CTNNA1: variants seen among roughly 807,000 people sequenced by gnomAD.
CTNNA1 encodes catenin alpha-1.
A neutral mutation model predicts 98.4 loss-of-function variants in CTNNA1; 37 were observed. That is an observed-to-expected ratio of 0.38 (90% CI 0.29 to 0.49). CTNNA1 has a LOEUF of 0.49. Among genes scored for constraint, CTNNA1 ranks in the 20% least tolerant of loss-of-function variants. The pLI is 0.95. For synonymous variants in CTNNA1, 404 were observed against 413.2 expected, an observed-to-expected ratio of 0.98 and a Z score of 0.27; for missense variants, 761 against 1,147.2, an observed-to-expected ratio of 0.66 and a Z score of 4.86.
intron 8 of CTNNA1, among the ~76,000 whole-genome samples, chr5:138,886,905 A>G (rs288026): frequency 0.26 from 39,202 of 152,022 alleles, 5,329 homozygotes; most frequent in Middle Eastern, 0.32. Flanking sequence ...TGTAATACAG[A>G]CAATTTTTAA....
chr5:138,876,144 T>TA, intron 7 of CTNNA1, among the ~76,000 whole-genome samples: 1 of 152,316 alleles, frequency 6.6e-6, no homozygotes, highest in East Asian at 1.9e-4. Context: ...GGACAAGTGA[T>TA]ACCGTGTAGC....
At chr5:138,891,540 C>G (rs1755351036) in intron 9 of CTNNA1, among the ~76,000 whole-genome samples, 1 of 152,136 alleles carries the variant, frequency 6.6e-6, no homozygotes, top group East Asian at 1.9e-4. Flanking sequence ...GTGGGCAGAT[C>G]ACTTGAGGTC....
intron 3 of CTNNA1, among the ~76,000 whole-genome samples, chr5:138,785,119 T>C (rs1755532114): frequency 2.0e-5 from 3 of 149,442 alleles, no homozygotes; most frequent in African/African-American, 7.4e-5. Context: ...TGGAGTGCAG[T>C]GGCGGGATCT....
intron 6 of CTNNA1, among the ~76,000 whole-genome samples, chr5:138,825,608 G>A (rs2149780613): frequency 6.7e-6 from 1 of 149,360 alleles, no homozygotes; most frequent in African/African-American, 2.4e-5. Flanking sequence ...GGGATGCTAT[G>A]AAATATAGAA....
intron 9 of CTNNA1, among the ~76,000 whole-genome samples, chr5:138,893,741 A>T (rs992571444): frequency 6.6e-6 from 1 of 151,750 alleles, no homozygotes; most frequent in Non-Finnish European, 1.5e-5. Context: ...CTCCTGCCTC[A>T]GCCTCCTGAT....
intron 11 of CTNNA1, among the ~76,000 whole-genome samples, chr5:138,920,815 C>A (rs1762773563): frequency 6.6e-6 from 1 of 152,166 alleles, no homozygotes; most frequent in South Asian, 2.1e-4. Flanking sequence ...TCTGGATATT[C>A]TGCCCCATTG....
intron 4 of CTNNA1, 130 bp from the exon 5 acceptor site, chr5:138,812,053 C>T: frequency 1.4e-6 from 1 of 732,682 alleles, no homozygotes; most frequent in East Asian, 2.6e-5. Flanking sequence ...AGACCATGCG[C>T]AAACTCGAGA....
At chr5:138,764,787 G>C (rs889354880) in intron 1 of CTNNA1, among the ~76,000 whole-genome samples, 2 of 151,660 alleles carry the variant, frequency 1.3e-5, no homozygotes, top group Admixed American at 1.3e-4. Flanking sequence ...CATTTATTTC[G>C]GGTCTTTAAG....
chr5:138,821,953 C>T (rs1324589502), intron 5 of CTNNA1, among the ~76,000 whole-genome samples: 2 of 151,952 alleles, frequency 1.3e-5, no homozygotes, highest in Admixed American at 6.6e-5. Flanking sequence ...TGATAGTGTC[C>T]GTTTTCTTTA....
rs1458647108 is a variant in CTNNA1, at chr5:138,824,599, A to G, written c.658A>G (p.Ile220Val). Residue 220 changes from isoleucine to valine, a missense_variant, in exon 6 of 18, where the codon ATC becomes GTC. Physicochemically the swap from Ile to Val is conservative, Grantham distance 29. This residue lies in a region of CTNNA1 where 328 missense variants were observed against 354.3 expected (regional missense o/e 0.93). Coordinates refer to ENST00000302763, the MANE Select transcript of CTNNA1 (RefSeq NM_001903.5). ...AGGAATCCTGCAGAAGAACGTTCCG[A>G]TCCTCTATACTGCATCCCAGGCATG... ...ARGILQKNVP[I>V]LYTASQACLQ... 3 of 1,614,060 alleles carry G rather than the reference A, an allele frequency of 1.9e-6. No homozygotes were observed. Among genetic ancestry groups the G allele is most frequent in the African/African-American group, 1.3e-5 (1 of 74,916 alleles).
At chr5:138,841,309 G>A (rs1347151510) in intron 7 of CTNNA1, among the ~76,000 whole-genome samples, 1 of 152,126 alleles carries the variant, frequency 6.6e-6, no homozygotes, top group African/African-American at 2.4e-5. Flanking sequence ...ACCTGGGCTG[G>A]AGTGCAATGG....
chr5:138,793,055 A>G (rs1051777849), intron 3 of CTNNA1, among the ~76,000 whole-genome samples: 1 of 152,072 alleles, frequency 6.6e-6, no homozygotes, highest in Non-Finnish European at 1.5e-5. Flanking sequence ...AAGTGCTCCC[A>G]CTCCAATTCA....
At chr5:138,896,172 A>G (rs1484462860) in intron 9 of CTNNA1, among the ~76,000 whole-genome samples, 3 of 152,206 alleles carry the variant, frequency 2.0e-5, no homozygotes, top group Non-Finnish European at 4.4e-5. Context: ...AAATTCCTCT[A>G]GTCCCCCTGT....
chr5:138,794,012 A>AT (rs10717660), intron 3 of CTNNA1, among the ~76,000 whole-genome samples: 1,235 of 112,222 alleles, frequency 0.011, 14 homozygotes, highest in Middle Eastern at 0.034. Flanking sequence ...TCCTGGGTTG[A>AT]TTTTTTTTTT....
chr5:138,861,134 C>T (rs905948887), intron 7 of CTNNA1, among the ~76,000 whole-genome samples: 1 of 152,010 alleles, frequency 6.6e-6, no homozygotes. Context: ...GATTCTTCTG[C>T]CTCAGCCTCC....
At position 138,931,981 on chromosome 5, in the gene CTNNA1, C is replaced by T. The variant is rs898366718; in HGVS notation, c.2299-597C>T. The T allele has an allele frequency of 1.3e-5, 13 of 985,294 alleles. No individual in the cohort carries two copies. In the African/African-American group the frequency reaches 2.1e-4, roughly 16 times the overall value. 61.0% of individuals were successfully genotyped at this position (985,294 alleles called of 1,614,324 possible). On this transcript the variant is annotated intron_variant, in intron 16 of 17. Coordinates refer to ENST00000302763, the MANE Select transcript of CTNNA1 (RefSeq NM_001903.5). ...GCCTCTAAAACTCTGAGATGTGGAG[C>T]GAGACAGGAACTGGGCAGGGGCCAC...
chr5:138,855,099 C>A (rs182256579), intron 7 of CTNNA1, among the ~76,000 whole-genome samples: 92 of 152,300 alleles, frequency 6.0e-4, no homozygotes, highest in African/African-American at 2.2e-3. Context: ...CGTGCAGTAG[C>A]GCGATCTCGG....
intron 3 of CTNNA1, 136 bp downstream of exon 3, chr5:138,783,508 G>T: frequency 1.4e-6 from 1 of 695,908 alleles, no homozygotes; most frequent in Non-Finnish European, 2.4e-6. Flanking sequence ...TATTGGAGAT[G>T]TATTAAGTTG....
At chr5:138,886,658 T>C (rs1277347012) in intron 8 of CTNNA1, among the ~76,000 whole-genome samples, 1 of 152,184 alleles carries the variant, frequency 6.6e-6, no homozygotes, top group Non-Finnish European at 1.5e-5. Context: ...TGACTTGCCC[T>C]ATACTCATTA....
Sources: gnomAD v4.1 joint callset for allele counts (sites outside exome capture counted in the v4.1 genomes callset) on GRCh38, gnomAD v4.1.1 for gene constraint, gnomAD v4.1.1 regional missense constraint, MANE v1.5 for transcripts, NCBI Gene and HGNC (gene_info 2026-07-23, HGNC 2026-07-21) for gene names.